The following SLC7A10 variants were observed in gnomAD, a reference collection of about 807,000 sequenced individuals.
SLC7A10 encodes solute carrier family 7 member 10.
In SLC7A10, 30 loss-of-function variants were observed where a neutral mutation model predicts 52.7. That is an observed-to-expected ratio of 0.57 (90% CI 0.43 to 0.77). The LOEUF is 0.77. Among genes scored for constraint, SLC7A10 ranks in the 30% least tolerant of loss-of-function variants. The pLI is 0.00. For missense variants in SLC7A10, 581 were observed against 698.5 expected, an observed-to-expected ratio of 0.83 and a Z score of 1.90; for synonymous variants, 318 against 314.9, an observed-to-expected ratio of 1.01 and a Z score of -0.10.
chr19:33,212,736 A>G (rs1599948876), intron 3 of SLC7A10, 97 bp from the exon 4 acceptor site: 1 of 1,607,570 alleles, frequency 6.2e-7, no homozygotes, highest in South Asian at 1.1e-5. Flanking sequence ...GGCATCCCCT[A>G]TAGCAGCTGG....
chr19:33,217,657 G>A (rs1438605057), intron 1 of SLC7A10, among the ~76,000 whole-genome samples: 4 of 152,182 alleles, frequency 2.6e-5, no homozygotes, highest in African/African-American at 4.8e-5. Flanking sequence ...CCCTCAGAGC[G>A]GGAGCCCGCC....
chr19:33,213,315 G>A (rs141085769), intron 2 of SLC7A10, among the ~76,000 whole-genome samples: 2,263 of 150,952 alleles, frequency 0.015, 51 homozygotes, highest in African/African-American at 0.051. Flanking sequence ...TTGAGACGGA[G>A]TCTTGCTCTG....
intron 1 of SLC7A10, among the ~76,000 whole-genome samples, chr19:33,222,464 TAAATAA>T: frequency 9.4e-6 from 1 of 106,526 alleles, no homozygotes; most frequent in African/African-American, 4.0e-5. Flanking sequence ...TAAAATAAAA[TAAATAA>T]AATAAAATAA....
chr19:33,215,651 TCCACCCCCAC>T (rs1974660748), intron 2 of SLC7A10, 108 bp downstream of exon 2: 8 of 599,278 alleles, frequency 1.3e-5, no homozygotes, highest in South Asian at 6.0e-5. Flanking sequence ...CTTCTCTCCA[TCCACCCCCAC>T]GACCTCCCTA....
chr19:33,214,754 G>GTT (rs1330135735), intron 2 of SLC7A10, among the ~76,000 whole-genome samples: 1 of 152,214 alleles, frequency 6.6e-6, no homozygotes, highest in African/African-American at 2.4e-5. Context: ...GGCGCACACC[G>GTT]TTCTCTTTGC....
intron 5 of SLC7A10, 148 bp downstream of exon 5, chr19:33,212,144 C>T (rs1011326152): frequency 8.5e-7 from 1 of 1,182,232 alleles, no homozygotes; most frequent in South Asian, 1.4e-5. Context: ...CCCCGGCTTT[C>T]TTCCCAGGGC....
chr19:33,218,503 C>T (rs1974737333), intron 1 of SLC7A10, among the ~76,000 whole-genome samples: 1 of 151,580 alleles, frequency 6.6e-6, no homozygotes, highest in African/African-American at 2.4e-5. Flanking sequence ...ACGCACTCCG[C>T]ACACTGGCTG....
At chr19:33,219,324 G>A (rs1010546000) in intron 1 of SLC7A10, among the ~76,000 whole-genome samples, 1 of 152,238 alleles carries the variant, frequency 6.6e-6, no homozygotes, top group Non-Finnish European at 1.5e-5. Context: ...CGAAGAAAGG[G>A]CCATTGTTCC....
rs1167885000 is a variant in SLC7A10, at chr19:33,209,427, C to A, written c.1322G>T (p.Ser441Ile). ...LVFWAFLLVFSFISEPMVCGV... is the reference protein window; with the variant it reads ...LVFWAFLLVFIFISEPMVCGV... ...ACAGACCATAGGCTCTGAGATGAAG[C>A]TGAAGACCAGCAGGAAGGCCCAGAA... The change falls in exon 10 of 11, where the codon AGC (serine) becomes ATC (isoleucine). Residue 441 changes from serine (S) to isoleucine (I), a missense_variant. Coordinates refer to ENST00000253188, the MANE Select transcript of SLC7A10 (RefSeq NM_019849.3). 1.2e-6 allele frequency: 2 copies of A among 1,614,012 alleles called. No homozygotes were observed. The highest frequency in any genetic ancestry group is 1.7e-5 in the Admixed American group (1 of 60,022).
rs766979535 is a variant in SLC7A10, at chr19:33,210,876, C to T, written c.1039G>A (p.Glu347Lys). The change falls in exon 8 of 11, where the codon GAG becomes AAG. Residue 347 changes from glutamate (E) to lysine (K), a missense_variant. Transcript: ENST00000253188. This position sits in a 1 kb window ranked among gnomAD's most constrained non-coding sequence, Gnocchi z 5.6. The part of the protein sequence containing the change: ...YSRLCFSGAR[E>K]GHLPSLLAMI... ...GCCAGCAGGCTGGGCAGGTGCCCCT[C>T]GCGGGCTCCAGAGAAGCACAGCCTA... The T allele has an allele frequency of 2.0e-5, 32 of 1,613,212 alleles. No individual in the cohort carries two copies. The highest frequency in any genetic ancestry group is 1.3e-4 in the South Asian group (12 of 91,084).
chr19:33,218,914 C>T (rs1286170538), intron 1 of SLC7A10, among the ~76,000 whole-genome samples: 1 of 151,414 alleles, frequency 6.6e-6, no homozygotes, highest in Admixed American at 6.6e-5. Context: ...TTCAGCCAAG[C>T]AGATCTACCT....
Position 33,218,843 on chromosome 19 carries a change from G to T in SLC7A10, c.152-2870C>A, listed in dbSNP as rs565637242. On this transcript the variant is annotated intron_variant, in intron 1 of 10. Transcript: ENST00000253188. ...AGATTAGTGGAGCTGGAAGGGGGCT[G>T]CCCTGGGTTCCTCCCAGTGGTGTGG... Among the ~76,000 whole-genome samples the T allele has an allele frequency of 4.6e-5, 7 of 150,992 alleles. No homozygotes were observed. The East Asian group carries it at 1.4e-3, about 30-fold the overall frequency.
intron 5 of SLC7A10, 51 bp downstream of exon 5, chr19:33,212,241 C>G: frequency 6.4e-7 from 1 of 1,562,632 alleles, no homozygotes; most frequent in Non-Finnish European, 8.7e-7. Context: ...GCTGCCTGTC[C>G]CACCAGAGGG....
chr19:33,223,473 A>G (rs939706421), intron 1 of SLC7A10, among the ~76,000 whole-genome samples: 5 of 152,082 alleles, frequency 3.3e-5, no homozygotes, highest in African/African-American at 9.7e-5. Flanking sequence ...CCTGGGGCAG[A>G]AAGGTGGGGT....
chr19:33,208,819 C>A lies in SLC7A10; in HGVS notation c.*72G>T. On this transcript the variant is annotated 3_prime_UTR_variant, in exon 11 of 11. Transcript: ENST00000253188. The surrounding 1 kb of genome is among the most constrained non-coding windows in gnomAD (Gnocchi z 4.7). ...TTTTCCAGAAAAAAACAAAACAAAA[C>A]TTTTTTGCCAAAACACCTCCTCAAT... 4 of 1,574,572 alleles carry A rather than the reference C, an allele frequency of 2.5e-6. No homozygotes were observed. The highest frequency in any genetic ancestry group is 8.7e-7 in the Non-Finnish European group (1 of 1,155,764).
chr19:33,213,989 C>G (rs1974615336), intron 2 of SLC7A10, among the ~76,000 whole-genome samples: 1 of 152,148 alleles, frequency 6.6e-6, no homozygotes, highest in South Asian at 2.1e-4. Flanking sequence ...TCACCTGCCC[C>G]TTGCTCTGCA....
chr19:33,211,941 G>A (rs1974562897), intron 5 of SLC7A10: 1 of 481,536 alleles, frequency 2.1e-6, no homozygotes, highest in South Asian at 2.2e-5. Context: ...CGAGATCCCT[G>A]GCCGAGCATC....
intron 1 of SLC7A10, among the ~76,000 whole-genome samples, chr19:33,218,695 TTTA>T (rs1418183628): frequency 1.6e-4 from 21 of 131,916 alleles, no homozygotes; most frequent in Non-Finnish European, 2.6e-4. Flanking sequence ...TTTTTTTTTT[TTTA>T]GTAGAGATGG....
chr19:33,216,189 C>T (rs1307064707), intron 1 of SLC7A10, among the ~76,000 whole-genome samples: 1 of 152,200 alleles, frequency 6.6e-6, no homozygotes. Flanking sequence ...CTCAGTCCCT[C>T]ACATAGGAAA....
Sources: gnomAD v4.1 joint callset for allele counts (sites outside exome capture counted in the v4.1 genomes callset) on GRCh38, gnomAD v4.1.1 for gene constraint, Gnocchi (gnomAD v3.1) non-coding constraint, MANE v1.5 for transcripts, NCBI Gene and HGNC (gene_info 2026-07-23, HGNC 2026-07-21) for gene names.